Variants in THADA observed in about 807,000 individuals in gnomAD.
THADA encodes the protein tRNA (32-2'-O)-methyltransferase regulator THADA.
In THADA, 213 loss-of-function variants were observed where a neutral mutation model predicts 219.8. That is an observed-to-expected ratio of 0.97 (90% CI 0.87 to 1.09). The LOEUF (loss-of-function observed/expected upper bound fraction) is 1.09, where lower values mean the gene tolerates loss of function less well. THADA is among the 50% of genes least tolerant of loss of function. THADA has a pLI of 0.00. For missense variants in THADA, 2,956 were observed against 2,311.3 expected, an observed-to-expected ratio of 1.28 and a Z score of -5.72; for synonymous variants, 1,018 against 828.9, an observed-to-expected ratio of 1.23 and a Z score of -3.92.
At chr2:43,330,343 C>T (rs1412849930) in intron 30 of THADA, among the ~76,000 whole-genome samples, 1 of 152,144 alleles carries the variant, frequency 6.6e-6, no homozygotes, top group East Asian at 1.9e-4. Flanking sequence ...GCCTGATCAT[C>T]ACTGGCAGCT....
intron 36 of THADA, among the ~76,000 whole-genome samples, chr2:43,263,189 C>T (rs1325299817): frequency 6.6e-6 from 1 of 152,194 alleles, no homozygotes; most frequent in South Asian, 2.1e-4. Flanking sequence ...GTAGCCCATC[C>T]AACAGCTATC....
At chr2:43,501,554 G>A (rs1460262874) in intron 24 of THADA, among the ~76,000 whole-genome samples, 2 of 151,958 alleles carry the variant, frequency 1.3e-5, no homozygotes, top group Admixed American at 6.6e-5. Flanking sequence ...ACAGCAATAG[G>A]ACAAACATAC....
chr2:43,400,842 A>G (rs1674744585), intron 28 of THADA, among the ~76,000 whole-genome samples: 1 of 152,252 alleles, frequency 6.6e-6, no homozygotes, highest in Middle Eastern at 3.4e-3. Context: ...GTAGCCCCAA[A>G]AAGAGAATTA....
chr2:43,243,394 G>T (rs1169707724), intron 36 of THADA, among the ~76,000 whole-genome samples: 3 of 152,184 alleles, frequency 2.0e-5, no homozygotes, highest in African/African-American at 7.2e-5. Context: ...CAGTGTTCAC[G>T]ATAGCCCTAC....
chr2:43,578,412 G>T, intron 9 of THADA, 101 bp downstream of exon 9: 1 of 788,010 alleles, frequency 1.3e-6, no homozygotes, highest in Non-Finnish European at 2.0e-6. Flanking sequence ...CTCCCAAAGT[G>T]TTGGGATTAT....
rs976054628 is a variant in THADA at position 43,566,560 on chromosome 2, A to T, written c.2311+138T>A. On this transcript the variant is annotated intron_variant, in intron 15 of 37. Transcript: ENST00000405975. ...CCTTTACTAGCAAATTTCATTATGT[A>T]CAAGCAAGAATTATAAGGTAAGAAT... 3.1e-6 allele frequency: 3 copies of T among 959,674 alleles called. No individual in the cohort carries two copies. The African/African-American group carries it at 4.9e-5, about 16-fold the overall frequency. The allele number at this position is 959,674 out of a possible 1,614,324, so 59.4% of individuals were successfully genotyped here.
At chr2:43,552,678 T>C (rs1315113202) in intron 17 of THADA, among the ~76,000 whole-genome samples, 1 of 152,178 alleles carries the variant, frequency 6.6e-6, no homozygotes, top group Admixed American at 6.5e-5. Context: ...AAAGAACAGC[T>C]TTTCTGAGAT....
intron 20 of THADA, among the ~76,000 whole-genome samples, chr2:43,547,580 T>C (rs186157794): frequency 1.4e-4 from 21 of 152,312 alleles, no homozygotes; most frequent in African/African-American, 4.8e-4. Context: ...TATTCTTTTT[T>C]CTCTAAACCT....
At chr2:43,367,843 G>A (rs1573304783) in intron 29 of THADA, among the ~76,000 whole-genome samples, 1 of 152,322 alleles carries the variant, frequency 6.6e-6, no homozygotes, top group Non-Finnish European at 1.5e-5. Flanking sequence ...TTCTGGCCAG[G>A]AGCGGTGGCT....
At chr2:43,378,911 T>C (rs1261471292) in intron 29 of THADA, among the ~76,000 whole-genome samples, 1 of 152,114 alleles carries the variant, frequency 6.6e-6, no homozygotes, top group African/African-American at 2.4e-5. Flanking sequence ...AGCCTAATAA[T>C]ATCTTCAAAG....
chr2:43,471,667 A>C (rs1159395624), intron 26 of THADA, among the ~76,000 whole-genome samples: 1 of 152,230 alleles, frequency 6.6e-6, no homozygotes, highest in African/African-American at 2.4e-5. Flanking sequence ...TATACATCAT[A>C]GACAGAACAT....
At chr2:43,316,618 T>C (rs1017311028) in intron 31 of THADA, among the ~76,000 whole-genome samples, 1 of 152,136 alleles carries the variant, frequency 6.6e-6, no homozygotes, top group African/African-American at 2.4e-5. Context: ...ATTAGATGCA[T>C]AGCTTCCAGC....
At chr2:43,455,206 A>C (rs1427775251) in intron 26 of THADA, among the ~76,000 whole-genome samples, 2 of 151,942 alleles carry the variant, frequency 1.3e-5, no homozygotes, top group Non-Finnish European at 2.9e-5. Context: ...TGTCTTCCCT[A>C]GTATGTACTG....
In THADA at chr2:43,293,153, A is replaced by G. The variant is rs1674948411; in HGVS notation, c.4499T>C (p.Ile1500Thr). ...CTTGAAGGCCCAAGGGAATCCCGTT[A>G]TCAGCTCTGATCCTGAGATAATCCC... is the stretch of plus-strand genomic sequence containing the variant. ...VRGIISGSEL[I>T]TGFPWAFKVP... The change falls in exon 32 of 38, where the codon ATA (isoleucine) becomes ACA (threonine). Residue 1500 changes from isoleucine to threonine, a missense_variant. By Grantham distance (89) the Ile-to-Thr change is moderately conservative (BLOSUM62 -1). Transcript: ENST00000405975. 6.2e-7 allele frequency: 1 copy of G among 1,614,006 alleles called. No homozygotes were observed. Among genetic ancestry groups the G allele is most frequent in the African/African-American group, 1.3e-5 (1 of 75,060 alleles).
intron 26 of THADA, among the ~76,000 whole-genome samples, chr2:43,475,721 T>C (rs1307683420): frequency 6.6e-6 from 1 of 152,220 alleles, no homozygotes; most frequent in Admixed American, 6.5e-5. Flanking sequence ...ACACACTTTG[T>C]TCCTGGGTGA....
intron 28 of THADA, among the ~76,000 whole-genome samples, chr2:43,398,466 G>A (rs1356375939): frequency 6.6e-6 from 1 of 152,188 alleles, no homozygotes; most frequent in African/African-American, 2.4e-5. Flanking sequence ...AAAGCACCAT[G>A]ATAAGTGCCA....
chr2:43,302,000 C>T (rs1245127630), intron 31 of THADA, among the ~76,000 whole-genome samples: 1 of 152,038 alleles, frequency 6.6e-6, no homozygotes, highest in Non-Finnish European at 1.5e-5. Flanking sequence ...GTTTAGCAGC[C>T]TTCTTCTTTA....
At chr2:43,393,569 G>A (rs577725450) in intron 29 of THADA, among the ~76,000 whole-genome samples, 1 of 152,010 alleles carries the variant, frequency 6.6e-6, no homozygotes, top group Non-Finnish European at 1.5e-5. Context: ...TTGGCCAGCC[G>A]TGGTGGCAGG....
intron 8 of THADA, among the ~76,000 whole-genome samples, chr2:43,580,501 T>C (rs111954540): frequency 4.0e-5 from 5 of 124,076 alleles, no homozygotes; most frequent in Admixed American, 3.0e-4. Flanking sequence ...CCTTTCCTTT[T>C]AATACCTGAG....
Sources: allele counts gnomAD v4.1 joint callset (sites outside exome capture counted in the v4.1 genomes callset), GRCh38; gene constraint gnomAD v4.1.1; transcripts MANE v1.5; gene names NCBI Gene and HGNC (gene_info 2026-07-23, HGNC 2026-07-21).